The following ADGRE3 variants were observed in gnomAD, a reference collection of about 807,000 sequenced individuals.
ADGRE3 encodes the protein adhesion G protein-coupled receptor E3.
Under a neutral mutation model 80.1 loss-of-function variants are expected in ADGRE3, and 88 were observed. That is an observed-to-expected ratio of 1.10 (90% CI 0.93 to 1.31). The LOEUF (loss-of-function observed/expected upper bound fraction) is 1.31, where lower values mean the gene tolerates loss of function less well. Ranked by LOEUF, ADGRE3 falls within the 40% of genes most tolerant of loss-of-function variation. The pLI is 0.00. For missense variants in ADGRE3, 715 were observed against 776.5 expected (o/e 0.92, Z 0.94); for synonymous variants, 281 against 294.8 (o/e 0.95, Z 0.48).
intron 5 of ADGRE3, among the ~76,000 whole-genome samples, chr19:14,657,909 A>G (rs1971816402): frequency 6.6e-6 from 1 of 151,950 alleles, no homozygotes; most frequent in South Asian, 2.1e-4. Flanking sequence ...GATTGCAGGC[A>G]TGTGCCATCA....
downstream of ADGRE3, among the ~76,000 whole-genome samples, chr19:14,617,377 C>CTTTCTTTCTTTCTTCCTTT (rs1491527496): frequency 2.1e-3 from 183 of 86,338 alleles, no homozygotes; most frequent in Admixed American, 5.2e-3. Flanking sequence ...TTTCTTTCTT[C>CTTTCTTTCTTTCTTCCTTT]CTTTCTTTCT....
chr19:14,600,518 AAC>A, the ADGRE3 span, among the ~76,000 whole-genome samples: 41 of 152,286 alleles, frequency 2.7e-4, no homozygotes, highest in African/African-American at 8.4e-4. Flanking sequence ...TACAGTCATT[AAC>A]ACATGCAATC....
At chr19:14,610,712 A>G in the ADGRE3 span, 1 of 155,808 alleles carries the variant, frequency 6.4e-6, no homozygotes, top group African/African-American at 2.4e-5. Flanking sequence ...AAAGAGAGGG[A>G]GTCTCACTAT....
At chr19:14,621,274 G>A (rs1970600108) in intron 15 of ADGRE3, among the ~76,000 whole-genome samples, 1 of 151,764 alleles carries the variant, frequency 6.6e-6, no homozygotes, top group East Asian at 1.9e-4. Flanking sequence ...CCAACATGGT[G>A]AAACACCATC....
downstream of ADGRE3, among the ~76,000 whole-genome samples, chr19:14,616,344 T>C (rs564215293): frequency 6.6e-6 from 1 of 152,188 alleles, no homozygotes; most frequent in East Asian, 1.9e-4. Context: ...TGCATTAAAC[T>C]CCTTATCTCA....
chr19:14,633,912 G>T (rs1970961300), intron 11 of ADGRE3, among the ~76,000 whole-genome samples: 1 of 151,282 alleles, frequency 6.6e-6, no homozygotes, highest in Non-Finnish European at 1.5e-5. Context: ...GAATAGCTGG[G>T]ATTACAGATG....
chr19:14,656,316 T>TGG (rs1189240948), intron 5 of ADGRE3, among the ~76,000 whole-genome samples: 2 of 134,058 alleles, frequency 1.5e-5, no homozygotes, highest in Admixed American at 1.7e-4. Flanking sequence ...ATCACATCAC[T>TGG]GCACTCCAGC....
rs1365344907 is a variant in ADGRE3 at position 14,655,105 on chromosome 19, CT to C, written c.453del (p.Glu152LysfsTer22). ...SLLTNQTLWR[T>X]EGRQEISSTA... ...GTGGATGAGATTTCTTGTCTCCCTTCTGTTCTCCATAAAGTCTGATTGGTGA... is the reference window on the plus strand; with the variant it reads ...GTGGATGAGATTTCTTGTCTCCCTTCGTTCTCCATAAAGTCTGATTGGTGA... On this transcript the variant is annotated frameshift_variant, in exon 6 of 16. Coordinates refer to ENST00000253673, the MANE Select transcript of ADGRE3 (RefSeq NM_032571.5). LOFTEE classifies it high-confidence loss of function. 6.2e-7 allele frequency: 1 copy of C among 1,614,016 alleles called. No homozygotes were observed. The highest frequency in any genetic ancestry group is 1.3e-5 in the African/African-American group (1 of 74,936).
At chr19:14,658,217 G>A (rs139021045) in intron 5 of ADGRE3, among the ~76,000 whole-genome samples, 1 of 151,454 alleles carries the variant, frequency 6.6e-6, no homozygotes, top group African/African-American at 2.4e-5. Flanking sequence ...ATACCTAATG[G>A]TATATCTGTA....
At chr19:14,640,507 C>T (rs149951059) in intron 10 of ADGRE3, among the ~76,000 whole-genome samples, 4,378 of 151,920 alleles carry the variant, frequency 0.029, 213 homozygotes, top group African/African-American at 0.1. Context: ...ACCAGGCTGG[C>T]CTTGAACTCC....
At chr19:14,607,934 A>T in the ADGRE3 span, among the ~76,000 whole-genome samples, 7 of 151,970 alleles carry the variant, frequency 4.6e-5, no homozygotes, top group Non-Finnish European at 1.0e-4. Context: ...GCAGTGGTGC[A>T]ATCTCGGCTC....
At chr19:14,654,595 C>A (rs965332707) in intron 6 of ADGRE3, among the ~76,000 whole-genome samples, 1 of 152,064 alleles carries the variant, frequency 6.6e-6, no homozygotes, top group Non-Finnish European at 1.5e-5. Flanking sequence ...AAATTCCAGA[C>A]CTGGGATTGG....
At chr19:14,668,615 A>G in intron 2 of ADGRE3, 187 bp downstream of exon 2, 1 of 545,212 alleles carries the variant, frequency 1.8e-6, no homozygotes, top group Non-Finnish European at 3.3e-6. Flanking sequence ...AAACAAAACG[A>G]TAAATAAAAG....
chr19:14,648,456 G>T (rs1971480152), intron 7 of ADGRE3, among the ~76,000 whole-genome samples: 2 of 152,160 alleles, frequency 1.3e-5, no homozygotes, highest in African/African-American at 4.8e-5. Context: ...GGACAGCTCA[G>T]TGAGATTGAG....
Position 14,628,605 on chromosome 19 carries a change from T to C in ADGRE3, c.1812+1434A>G, listed in dbSNP as rs1599606840. On this transcript the variant is annotated intron_variant, in intron 14 of 15. Transcript: ENST00000253673. ...TCACTGTGCCTGGCCCCAGTTTCTCTTTAACGAGGCAGTTAACCTGCAGTA... is the reference window on the plus strand; with the variant it reads ...TCACTGTGCCTGGCCCCAGTTTCTCCTTAACGAGGCAGTTAACCTGCAGTA... 4 of 239,412 alleles carry C rather than the reference T, an allele frequency of 1.7e-5. No individual in the cohort carries two copies. In the East Asian group the frequency reaches 4.4e-4, roughly 26 times the overall value. 14.8% of individuals were successfully genotyped at this position (239,412 alleles called of 1,614,324 possible).
intron 1 of ADGRE3, among the ~76,000 whole-genome samples, chr19:14,674,051 T>C (rs189673112): frequency 4.3e-4 from 65 of 152,248 alleles, no homozygotes; most frequent in Middle Eastern, 6.8e-3. Flanking sequence ...AAAATTATCA[T>C]TTATTTTCTT....
chr19:14,665,403 C>T (rs79407979), intron 2 of ADGRE3, among the ~76,000 whole-genome samples: 6 of 151,948 alleles, frequency 3.9e-5, no homozygotes, highest in Non-Finnish European at 7.4e-5. Context: ...TATTCCATCC[C>T]GGGGATGGAC....
chr19:14,663,950 C>T (rs1163436087), intron 2 of ADGRE3, among the ~76,000 whole-genome samples: 2 of 152,116 alleles, frequency 1.3e-5, no homozygotes, highest in Non-Finnish European at 2.9e-5. Flanking sequence ...CCCCCCACTC[C>T]CCTGACATAT....
At chr19:14,664,592 C>G (rs574182876) in intron 2 of ADGRE3, among the ~76,000 whole-genome samples, 12 of 152,086 alleles carry the variant, frequency 7.9e-5, no homozygotes, top group African/African-American at 2.9e-4. Flanking sequence ...GCCTGTAGTC[C>G]CAGCTACTCT....
Sources: allele counts gnomAD v4.1 joint callset (sites outside exome capture counted in the v4.1 genomes callset), GRCh38; gene constraint gnomAD v4.1.1; transcripts MANE v1.5; gene names NCBI Gene and HGNC (gene_info 2026-07-23, HGNC 2026-07-21).